The following ERC2 variants were observed in gnomAD, a reference collection of about 807,000 sequenced individuals.
ERC2 encodes the protein ERC protein 2.
In ERC2, 42 loss-of-function variants were observed where a neutral mutation model predicts 114.8. The observed-to-expected ratio is 0.37, with a 90% CI of 0.29 to 0.47. The LOEUF (loss-of-function observed/expected upper bound fraction) is 0.47, where lower values mean the gene tolerates loss of function less well. Ranked by LOEUF, ERC2 falls within the 20% of genes least tolerant of loss-of-function variation. ERC2 has a pLI of 0.99. For synonymous variants in ERC2, 454 were observed against 425.5 expected (o/e 1.07, Z -0.82); for missense variants, 939 against 1,150.7 (o/e 0.82, Z 2.66).
At chr3:56,433,148 C>A (rs1188236821) in intron 2 of ERC2, among the ~76,000 whole-genome samples, 2 of 149,114 alleles carry the variant, frequency 1.3e-5, no homozygotes, top group Non-Finnish European at 1.5e-5. Flanking sequence ...CACTACACTC[C>A]AGCCTGAGCA....
At chr3:55,698,073 T>C (rs553110810) in intron 16 of ERC2, among the ~76,000 whole-genome samples, 2 of 152,130 alleles carry the variant, frequency 1.3e-5, no homozygotes, top group South Asian at 4.2e-4. Context: ...TTGACACCTC[T>C]CTCCACATTT....
intron 6 of ERC2, among the ~76,000 whole-genome samples, chr3:56,121,456 C>T (rs543283199): frequency 1.8e-4 from 27 of 152,192 alleles, no homozygotes; most frequent in Non-Finnish European, 7.4e-5. Context: ...GTATACATGG[C>T]TTACTTGAAC....
intron 3 of ERC2, among the ~76,000 whole-genome samples, chr3:56,238,293 T>G (rs2051098320): frequency 6.6e-6 from 1 of 152,264 alleles, no homozygotes; most frequent in Non-Finnish European, 1.5e-5. Flanking sequence ...AGGTGTTTAG[T>G]GTTGAAGTAG....
At chr3:55,876,333 C>T (rs1204786666) in intron 14 of ERC2, among the ~76,000 whole-genome samples, 2 of 151,972 alleles carry the variant, frequency 1.3e-5, no homozygotes, top group Non-Finnish European at 2.9e-5. Flanking sequence ...GGGATTTGCC[C>T]AAGACCTGCC....
intron 3 of ERC2, among the ~76,000 whole-genome samples, chr3:56,279,021 G>A (rs1197400517): frequency 1.3e-5 from 2 of 152,152 alleles, no homozygotes; most frequent in Non-Finnish European, 2.9e-5. Context: ...TAATTTCCTG[G>A]TTCTAATACT....
At chr3:56,269,832 G>A (rs979731146) in intron 3 of ERC2, among the ~76,000 whole-genome samples, 12 of 152,196 alleles carry the variant, frequency 7.9e-5, no homozygotes, top group Non-Finnish European at 1.6e-4. Flanking sequence ...ATTTCACTCA[G>A]AGTGGTTAAT....
intron 2 of ERC2, among the ~76,000 whole-genome samples, chr3:56,359,742 C>T (rs529808474): frequency 4.6e-5 from 7 of 152,318 alleles, no homozygotes; most frequent in South Asian, 4.1e-4. Flanking sequence ...GAAGATTCCA[C>T]CCATGGGGGA....
chr3:56,148,026 A>G (rs2081233307), intron 5 of ERC2, among the ~76,000 whole-genome samples: 1 of 152,224 alleles, frequency 6.6e-6, no homozygotes, highest in African/African-American at 2.4e-5. Flanking sequence ...CTAGCAATAG[A>G]TAACAATAAT....
chr3:56,283,349 G>A (rs1457558451), intron 3 of ERC2, among the ~76,000 whole-genome samples: 1 of 152,072 alleles, frequency 6.6e-6, no homozygotes, highest in Non-Finnish European at 1.5e-5. Context: ...GTCATTTCTC[G>A]GCCGGGCATG....
At chr3:56,222,610 T>A (rs1036025220) in intron 3 of ERC2, among the ~76,000 whole-genome samples, 1 of 152,198 alleles carries the variant, frequency 6.6e-6, no homozygotes, top group Admixed American at 6.5e-5. Context: ...TAAGTACTTA[T>A]CTAATTTTTG....
chr3:56,386,227 C>CA (rs1228781268), intron 2 of ERC2, among the ~76,000 whole-genome samples: 1 of 152,098 alleles, frequency 6.6e-6, no homozygotes, highest in East Asian at 1.9e-4. Flanking sequence ...AAGAAAGACT[C>CA]AAAACTCAGT....
chr3:56,122,968 A>G (rs2079662616), intron 6 of ERC2, among the ~76,000 whole-genome samples: 1 of 151,914 alleles, frequency 6.6e-6, no homozygotes. Flanking sequence ...AAGTTCAACC[A>G]CCCCAAGAAA....
chr3:55,668,701 A>G (rs1000151423), intron 17 of ERC2, among the ~76,000 whole-genome samples: 3 of 152,188 alleles, frequency 2.0e-5, no homozygotes, highest in East Asian at 1.9e-4. Flanking sequence ...TGAATCGCCC[A>G]TGCTAATCTA....
At chr3:55,777,505 G>T (rs1047482383) in intron 14 of ERC2, among the ~76,000 whole-genome samples, 1 of 152,228 alleles carries the variant, frequency 6.6e-6, no homozygotes. Context: ...GGGAGGCTTT[G>T]TGTCTAATCT....
At chr3:56,196,471 G>A (rs2048110211) in intron 3 of ERC2, among the ~76,000 whole-genome samples, 1 of 150,954 alleles carries the variant, frequency 6.6e-6, no homozygotes. Context: ...CTGAGTCACA[G>A]GACAGATGAC....
intron 14 of ERC2, among the ~76,000 whole-genome samples, chr3:55,741,562 A>G (rs2148940442): frequency 6.6e-6 from 1 of 152,316 alleles, no homozygotes; most frequent in South Asian, 2.1e-4. Flanking sequence ...TAAGCCTGAA[A>G]TCATGTTCAA....
chr3:55,725,943 T>G (rs1014567697), intron 15 of ERC2, among the ~76,000 whole-genome samples: 2 of 152,172 alleles, frequency 1.3e-5, no homozygotes, highest in Admixed American at 6.5e-5. Flanking sequence ...AGCAGATGAG[T>G]GTCTTACCCA....
intron 17 of ERC2, among the ~76,000 whole-genome samples, chr3:55,667,436 A>G (rs908864471): frequency 3.9e-5 from 6 of 152,230 alleles, no homozygotes; most frequent in African/African-American, 1.4e-4. Flanking sequence ...CGCCTAAATT[A>G]TTTATACTTA....
At chr3:56,088,267 T>C (rs572196132) in intron 6 of ERC2, among the ~76,000 whole-genome samples, 1 of 152,258 alleles carries the variant, frequency 6.6e-6, no homozygotes, top group African/African-American at 2.4e-5. Context: ...ACTTACAGTA[T>C]GATGGGTTAA....
Sources: allele counts gnomAD v4.1 joint callset (sites outside exome capture counted in the v4.1 genomes callset), GRCh38; gene constraint gnomAD v4.1.1; transcripts MANE v1.5; gene names NCBI Gene and HGNC (gene_info 2026-07-23, HGNC 2026-07-21).